PHTF2: variants seen among roughly 807,000 people sequenced by gnomAD.
PHTF2 encodes the protein protein PHTF2.
Under a neutral mutation model 101.2 loss-of-function variants are expected in PHTF2, and 60 were observed. The observed-to-expected ratio is 0.59, with a 90% CI of 0.48 to 0.73. PHTF2 has a LOEUF of 0.73. Ranked by LOEUF, PHTF2 falls within the 30% of genes least tolerant of loss-of-function variation. PHTF2 has a pLI of 0.00. For missense variants in PHTF2, 747 were observed against 908.7 expected, an observed-to-expected ratio of 0.82 and a Z score of 2.29; for synonymous variants, 311 against 307.3, an observed-to-expected ratio of 1.01 and a Z score of -0.13.
At chr7:77,918,856 T>C (rs917099054) in intron 9 of PHTF2, among the ~76,000 whole-genome samples, 3 of 152,156 alleles carry the variant, frequency 2.0e-5, no homozygotes, top group Non-Finnish European at 4.4e-5. Context: ...GTCTTGCAAC[T>C]CTGTGGAGAT....
At chr7:77,940,932 A>G (rs759578613) in intron 15 of PHTF2, among the ~76,000 whole-genome samples, 13 of 152,188 alleles carry the variant, frequency 8.5e-5, no homozygotes, top group Non-Finnish European at 1.3e-4. Flanking sequence ...ATTCAGTGTC[A>G]TTCTTTTCAT....
chr7:77,834,348 GGAA>G (rs1795292051), intron 1 of PHTF2, among the ~76,000 whole-genome samples: 1 of 151,020 alleles, frequency 6.6e-6, no homozygotes, highest in South Asian at 2.1e-4. Context: ...TTAAACGGAA[GGAA>G]GAAGCAGTTC....
At chr7:77,903,679 G>A (rs978783512) in intron 7 of PHTF2, among the ~76,000 whole-genome samples, 1 of 152,170 alleles carries the variant, frequency 6.6e-6, no homozygotes, top group African/African-American at 2.4e-5. Context: ...TCCTAGTAAA[G>A]CTTAGTTAGA....
At chr7:77,956,645 A>G (rs1332948459) in exon 20 of PHTF2, 2 of 152,696 alleles carry the variant, frequency 1.3e-5, no homozygotes, top group East Asian at 3.9e-4. Context: ...TTTAGGAATT[A>G]TGTTTTATAA....
At chr7:77,840,406 A>G in intron 2 of PHTF2, 106 bp downstream of exon 2, 1 of 677,220 alleles carries the variant, frequency 1.5e-6, no homozygotes, top group Non-Finnish European at 2.6e-6. Flanking sequence ...AAGGAAGATT[A>G]TTTTTATTTT....
chr7:77,832,203 T>C (rs1795126962), intron 1 of PHTF2, among the ~76,000 whole-genome samples: 1 of 152,176 alleles, frequency 6.6e-6, no homozygotes, highest in African/African-American at 2.4e-5. Flanking sequence ...ATAAAGTGGC[T>C]GCATTCAAAG....
At chr7:77,861,099 G>A (rs1011985766) in intron 3 of PHTF2, among the ~76,000 whole-genome samples, 2 of 151,954 alleles carry the variant, frequency 1.3e-5, no homozygotes, top group African/African-American at 2.4e-5. Flanking sequence ...TGAAAATTAT[G>A]TACTTACATT....
intron 1 of PHTF2, among the ~76,000 whole-genome samples, chr7:77,817,983 G>A (rs928841116): frequency 2.0e-5 from 3 of 151,820 alleles, no homozygotes; most frequent in African/African-American, 4.8e-5. Context: ...GGTGGCGGGC[G>A]CCTGTAATCC....
chr7:77,923,474 C>G (rs1803672092), intron 11 of PHTF2: 2 of 985,120 alleles, frequency 2.0e-6, no homozygotes, highest in African/African-American at 3.5e-5. Context: ...ACATGTTACG[C>G]TGTGCTGGAA....
At chr7:77,849,070 T>C (rs1796531847) in intron 2 of PHTF2, among the ~76,000 whole-genome samples, 2 of 152,078 alleles carry the variant, frequency 1.3e-5, no homozygotes, top group African/African-American at 4.8e-5. Flanking sequence ...TCTATTGTGT[T>C]CCACTGATCT....
At chr7:77,840,371 A>G in intron 2 of PHTF2, 71 bp downstream of exon 2, 1 of 923,910 alleles carries the variant, frequency 1.1e-6, no homozygotes, top group South Asian at 1.5e-5. Context: ...ATTTCATGCT[A>G]TAGATGTTAG....
chr7:77,812,639 G>A (rs1793529697), intron 1 of PHTF2, among the ~76,000 whole-genome samples: 1 of 151,420 alleles, frequency 6.6e-6, no homozygotes, highest in Non-Finnish European at 1.5e-5. Context: ...ACCCAGGCTG[G>A]AGTGCAGTGG....
intron 1 of PHTF2, among the ~76,000 whole-genome samples, chr7:77,827,284 G>T (rs1794756733): frequency 6.6e-6 from 1 of 152,130 alleles, no homozygotes; most frequent in Non-Finnish European, 1.5e-5. Flanking sequence ...GACATCTGAA[G>T]TTCATGAGTT....
intron 12 of PHTF2, among the ~76,000 whole-genome samples, chr7:77,931,454 G>A (rs1027702097): frequency 6.6e-6 from 1 of 152,176 alleles, no homozygotes; most frequent in African/African-American, 2.4e-5. Context: ...GTCCCCTGAT[G>A]GCTAATAAAA....
At chr7:77,917,839 G>A (rs1310108146) in intron 9 of PHTF2, among the ~76,000 whole-genome samples, 1 of 152,184 alleles carries the variant, frequency 6.6e-6, no homozygotes, top group Non-Finnish European at 1.5e-5. Flanking sequence ...CTTACATTTA[G>A]CATTTTTCTT....
intron 1 of PHTF2, among the ~76,000 whole-genome samples, chr7:77,822,560 C>T (rs1794374838): frequency 6.6e-6 from 1 of 152,148 alleles, no homozygotes; most frequent in African/African-American, 2.4e-5. Context: ...CTGTGGGATT[C>T]TCCTGTAGTA....
intron 3 of PHTF2, among the ~76,000 whole-genome samples, chr7:77,863,964 G>A (rs1254527842): frequency 6.6e-6 from 1 of 152,000 alleles, no homozygotes; most frequent in Non-Finnish European, 1.5e-5. Context: ...ATTTTCTGTA[G>A]GGATGGAGTT....
intron 1 of PHTF2, among the ~76,000 whole-genome samples, chr7:77,838,029 C>G (rs1795601796): frequency 6.6e-6 from 1 of 152,136 alleles, no homozygotes; most frequent in Non-Finnish European, 1.5e-5. Context: ...TTGATATTCT[C>G]ATATTTTTGT....
At chr7:77,882,973 A>G (rs1460392894) in intron 3 of PHTF2, among the ~76,000 whole-genome samples, 1 of 152,102 alleles carries the variant, frequency 6.6e-6, no homozygotes, top group Non-Finnish European at 1.5e-5. Flanking sequence ...TGTGTAATGG[A>G]CAACTAGAAA....
Sources: allele counts gnomAD v4.1 joint callset (sites outside exome capture counted in the v4.1 genomes callset), GRCh38; gene constraint gnomAD v4.1.1; transcripts MANE v1.5; gene names NCBI Gene and HGNC (gene_info 2026-07-23, HGNC 2026-07-21).